The following KIAA1217 variants were observed in gnomAD, a reference collection of about 807,000 sequenced individuals.
The protein encoded by KIAA1217 is KIAA1217.
KIAA1217 carries 88 observed loss-of-function variants against 163.9 expected under a neutral mutation model. The observed-to-expected ratio is 0.54, with a 90% confidence interval of 0.45 to 0.64. The LOEUF (loss-of-function observed/expected upper bound fraction) is 0.64. KIAA1217 is among the 30% of genes least tolerant of loss of function. The pLI is 0.00. For missense variants in KIAA1217, 2,372 were observed against 2,475.0 expected, an observed-to-expected ratio of 0.96 and a Z score of 0.88; for synonymous variants, 903 against 923.1, an observed-to-expected ratio of 0.98 and a Z score of 0.39.
intron 2 of KIAA1217, among the ~76,000 whole-genome samples, chr10:24,319,375 C>CAAAA (rs34410717): frequency 5.2e-4 from 24 of 45,830 alleles, no homozygotes; most frequent in African/African-American, 9.0e-4. Context: ...GACGTTGTCT[C>CAAAA]AAAAAAAAAA....
intron 5 of KIAA1217, among the ~76,000 whole-genome samples, chr10:24,459,903 C>T (rs1428583760): frequency 6.6e-6 from 1 of 152,182 alleles, no homozygotes; most frequent in Non-Finnish European, 1.5e-5. Flanking sequence ...TGCACTACAA[C>T]CTGAGCAACA....
chr10:23,954,842 T>C (rs1844490264), intron 1 of KIAA1217, among the ~76,000 whole-genome samples: 3 of 151,994 alleles, frequency 2.0e-5, no homozygotes. Flanking sequence ...GGCTAGTAAA[T>C]GGCATGGCTT....
At chr10:24,307,798 T>G (rs1393464867) in intron 2 of KIAA1217, among the ~76,000 whole-genome samples, 2 of 151,624 alleles carry the variant, frequency 1.3e-5, no homozygotes, top group Admixed American at 1.3e-4. Flanking sequence ...AGAAAAGAAC[T>G]GGAAAAGAAA....
At chr10:24,056,519 AG>A (rs1030910612) in intron 2 of KIAA1217, among the ~76,000 whole-genome samples, 2 of 152,116 alleles carry the variant, frequency 1.3e-5, no homozygotes, top group Admixed American at 6.5e-5. Flanking sequence ...ATCATACGAC[AG>A]GAAAAAAAAA....
chr10:24,302,588 GA>G (rs1181694165), intron 2 of KIAA1217, among the ~76,000 whole-genome samples: 1 of 151,970 alleles, frequency 6.6e-6, no homozygotes, highest in East Asian at 1.9e-4. Context: ...GAAAAACAGG[GA>G]ACACACAAAG....
chr10:23,902,851 CATACATGGGAGGTT>C (rs748039906), intron 1 of KIAA1217, among the ~76,000 whole-genome samples: 20 of 152,062 alleles, frequency 1.3e-4, no homozygotes, highest in Non-Finnish European at 1.0e-4. Context: ...CCACGTGGCC[CATACATGGGAGGTT>C]ATTGGAAGGT....
chr10:23,939,799 A>T (rs956236102), intron 1 of KIAA1217, among the ~76,000 whole-genome samples: 4 of 151,536 alleles, frequency 2.6e-5, no homozygotes, highest in African/African-American at 4.8e-5. Flanking sequence ...CTTCCCAAAA[A>T]CAGAATATAC....
At chr10:23,843,551 T>C (rs1838885534) in intron 1 of KIAA1217, among the ~76,000 whole-genome samples, 2 of 152,146 alleles carry the variant, frequency 1.3e-5, no homozygotes, top group African/African-American at 4.8e-5. Flanking sequence ...GACGAGGACC[T>C]GTTCCATTGG....
chr10:23,700,094 C>T (rs1836328068), intron 1 of KIAA1217, among the ~76,000 whole-genome samples: 1 of 152,174 alleles, frequency 6.6e-6, no homozygotes, highest in Admixed American at 6.5e-5. Context: ...CCTTTGCTAA[C>T]ATTACTTTAT....
chr10:24,374,461 A>T (rs932642804), intron 2 of KIAA1217, among the ~76,000 whole-genome samples: 16 of 152,210 alleles, frequency 1.1e-4, no homozygotes, highest in African/African-American at 3.9e-4. Context: ...CAAGGTTTCT[A>T]TTAAAAACAA....
At chr10:24,419,553 C>T (rs1209303991) in intron 3 of KIAA1217, among the ~76,000 whole-genome samples, 2 of 152,100 alleles carry the variant, frequency 1.3e-5, no homozygotes, top group Non-Finnish European at 2.9e-5. Context: ...GTAGTGACCT[C>T]ATACAGAAGA....
chr10:24,198,226 C>T (rs1468809769), intron 2 of KIAA1217, among the ~76,000 whole-genome samples: 2 of 152,248 alleles, frequency 1.3e-5, no homozygotes, highest in Non-Finnish European at 2.9e-5. Context: ...CTCTTCCCCA[C>T]TTCTCAGCTA....
At position 24,545,087 on chromosome 10, in the gene KIAA1217, C is replaced by G; in HGVS notation, c.5318C>G (p.Pro1773Arg). Residue 1773 changes from proline to arginine, a missense_variant, in exon 20 of 21, where the codon CCC becomes CGC. Transcript: ENST00000376454. ...GGCAAGCAGTCCAAACTGCAGGATC[C>G]CCGCCAATATCGTCAGGTAGTTTTA... Reference protein sequence around the residue: ...KPGKQSKLQDPRQYRQANGSA... With the variant: ...KPGKQSKLQDRRQYRQANGSA... The G allele has an allele frequency of 6.2e-7, 1 of 1,614,188 alleles. No individual in the cohort carries two copies. Among genetic ancestry groups the G allele is most frequent in the Non-Finnish European group, 8.5e-7 (1 of 1,180,028 alleles).
intron 1 of KIAA1217, among the ~76,000 whole-genome samples, chr10:23,761,900 A>C (rs1417263801): frequency 6.6e-6 from 1 of 152,164 alleles, no homozygotes; most frequent in African/African-American, 2.4e-5. Flanking sequence ...AAATAGACAC[A>C]ACAAAAAATG....
At chr10:23,714,306 T>G (rs2130743495) in intron 1 of KIAA1217, among the ~76,000 whole-genome samples, 1 of 151,258 alleles carries the variant, frequency 6.6e-6, no homozygotes, top group South Asian at 2.1e-4. Context: ...AAGAGGAATT[T>G]TTGTGCACAA....
chr10:23,776,353 TA>T (rs1476567741), intron 1 of KIAA1217, among the ~76,000 whole-genome samples: 58 of 151,082 alleles, frequency 3.8e-4, no homozygotes, highest in Non-Finnish European at 4.9e-4. Flanking sequence ...TATATATATA[TA>T]TATATTTACA....
chr10:24,124,206 A>T (rs1416854617), intron 2 of KIAA1217, among the ~76,000 whole-genome samples: 1 of 151,832 alleles, frequency 6.6e-6, no homozygotes, highest in African/African-American at 2.4e-5. Context: ...TTTATCTAGG[A>T]TTTGTATTTC....
At chr10:24,051,577 G>A (rs901988297) in intron 2 of KIAA1217, among the ~76,000 whole-genome samples, 4 of 152,100 alleles carry the variant, frequency 2.6e-5, no homozygotes, top group Non-Finnish European at 5.9e-5. Context: ...CTCACCAGCA[G>A]TGTCAAAGTT....
intron 1 of KIAA1217, among the ~76,000 whole-genome samples, chr10:23,970,650 C>A (rs367807255): frequency 9.8e-5 from 15 of 152,306 alleles, no homozygotes; most frequent in African/African-American, 3.6e-4. Flanking sequence ...GTTCTTTCCA[C>A]ACACACAAAA....
Sources: gnomAD v4.1 joint callset for allele counts (sites outside exome capture counted in the v4.1 genomes callset) on GRCh38, gnomAD v4.1.1 for gene constraint, MANE v1.5 for transcripts, NCBI Gene and HGNC (gene_info 2026-07-23, HGNC 2026-07-21) for gene names.